EDEM3: variants seen among roughly 807,000 people sequenced by gnomAD.
EDEM3 encodes the protein ER degradation enhancing alpha-mannosidase like protein 3.
Under a neutral mutation model 110.2 loss-of-function variants are expected in EDEM3, and 60 were observed. That is an observed-to-expected ratio of 0.54 (90% CI 0.44 to 0.67). The LOEUF is 0.67. Ranked by LOEUF, EDEM3 falls within the 30% of genes least tolerant of loss-of-function variation. The probability of loss-of-function intolerance (pLI) is 0.00; values close to 1 mark genes in which losing one functional copy is unlikely to be tolerated. For synonymous variants in EDEM3, 352 were observed against 382.9 expected (o/e 0.92, Z 0.94); for missense variants, 996 against 1,121.0 (o/e 0.89, Z 1.59).
At chr1:184,736,797 C>G (rs1651849427) in intron 4 of EDEM3, among the ~76,000 whole-genome samples, 1 of 152,108 alleles carries the variant, frequency 6.6e-6, no homozygotes, top group Non-Finnish European at 1.5e-5. Context: ...ATTAAGGTGC[C>G]ATTACATAAG....
At chr1:184,734,032 A>G (rs947887523) in intron 5 of EDEM3, among the ~76,000 whole-genome samples, 4 of 152,232 alleles carry the variant, frequency 2.6e-5, no homozygotes, top group African/African-American at 9.6e-5. Context: ...CTTTCAGTCT[A>G]GAGACGTCTG....
rs1422316324 is a variant in EDEM3 at position 184,716,922 on chromosome 1, T to C, written c.1336A>G (p.Met446Val). ...YARVPCGFAA[M>V]KDVRTGSHED... ...TGACTTCCAGTACGAACATCCTTCATGGCAGCAAATCCGCAAGGCACTCTA... is the reference window on the plus strand; with the variant it reads ...TGACTTCCAGTACGAACATCCTTCACGGCAGCAAATCCGCAAGGCACTCTA... Residue 446 changes from methionine (M) to valine (V), a missense_variant, in exon 13 of 20, where the codon ATG becomes GTG. Transcript: ENST00000318130. 6 of 1,613,324 alleles carry C rather than the reference T, an allele frequency of 3.7e-6. No homozygotes were observed. The highest frequency in any genetic ancestry group is 5.1e-6 in the Non-Finnish European group (6 of 1,179,460).
chr1:184,741,410 A>G (rs111364635), intron 2 of EDEM3, among the ~76,000 whole-genome samples: 27 of 152,106 alleles, frequency 1.8e-4, no homozygotes, highest in African/African-American at 6.0e-4. Flanking sequence ...AAAAAAAAAT[A>G]AAAATAAAAA....
At chr1:184,715,675 G>T (rs1650507475) in intron 13 of EDEM3, among the ~76,000 whole-genome samples, 1 of 152,262 alleles carries the variant, frequency 6.6e-6, no homozygotes, top group Middle Eastern at 3.4e-3. Flanking sequence ...AATGAAGACT[G>T]TAATAGTACA....
rs1649013197 is a variant in EDEM3 at position 184,690,450 on chromosome 1, T to TA, written c.*3612dup. On this transcript the variant is annotated 3_prime_UTR_variant, in exon 20 of 20. Coordinates refer to ENST00000318130, the MANE Select transcript of EDEM3 (RefSeq NM_025191.4). ...AAACAGAGTGATAAACATCAAGACA[T>TA]AAAAGTATGAGGATATGCACAGTGA... 1 of 151,970 alleles carries TA rather than the reference T, an allele frequency of 6.6e-6. No individual in the cohort carries two copies. Among genetic ancestry groups the TA allele is most frequent in the African/African-American group, 2.4e-5 (1 of 41,246 alleles). The allele number at this position is 151,970 out of a possible 1,614,324, so 9.4% of individuals were successfully genotyped here.
rs1305362555 is a variant in EDEM3 at position 184,726,239 on chromosome 1, A to C, written c.747+16T>G. The C allele has an allele frequency of 6.2e-7, 1 of 1,612,032 alleles. No individual in the cohort carries two copies. The highest frequency in any genetic ancestry group is 8.5e-7 in the Non-Finnish European group (1 of 1,178,840). On this transcript the variant is annotated intron_variant, in intron 7 of 19. Coordinates refer to ENST00000318130, the MANE Select transcript of EDEM3 (RefSeq NM_025191.4). ...ATGCCCAATACCCAGGATATCAAAG[A>C]CCGTAAAAAGCAAACCTCAAATATT...
intron 8 of EDEM3, among the ~76,000 whole-genome samples, chr1:184,723,052 T>C (rs1258858086): frequency 6.6e-6 from 1 of 152,048 alleles, no homozygotes; most frequent in Non-Finnish European, 1.5e-5. Context: ...CTGCTATTTA[T>C]AAATAATTGC....
chr1:184,749,503 A>G (rs752289484), intron 2 of EDEM3, 44 bp downstream of exon 2: 5 of 1,386,712 alleles, frequency 3.6e-6, no homozygotes, highest in Non-Finnish European at 5.0e-6. Flanking sequence ...TCACATAATA[A>G]TCAACTCACA....
At chr1:184,721,467 TA>T in intron 8 of EDEM3, 81 bp from the exon 9 acceptor site, 1 of 963,148 alleles carries the variant, frequency 1.0e-6, no homozygotes, top group Non-Finnish European at 1.5e-6. Context: ...CTCCTTAGAT[TA>T]GCATTAAATT....
intron 18 of EDEM3, 36 bp from the exon 19 acceptor site, chr1:184,703,032 T>A: frequency 2.7e-6 from 4 of 1,503,948 alleles, no homozygotes; most frequent in Non-Finnish European, 3.6e-6. Context: ...CATCAAAATA[T>A]CCAGCCATTA....
chr1:184,714,027 T>C (rs1044412391), intron 13 of EDEM3, among the ~76,000 whole-genome samples: 4 of 152,222 alleles, frequency 2.6e-5, no homozygotes, highest in Non-Finnish European at 5.9e-5. Flanking sequence ...TTAGACAATA[T>C]AAAAACACTT....
At chr1:184,740,766 T>C (rs1392193773) in intron 2 of EDEM3, among the ~76,000 whole-genome samples, 1 of 152,220 alleles carries the variant, frequency 6.6e-6, no homozygotes, top group Non-Finnish European at 1.5e-5. Flanking sequence ...ATGTCGACAC[T>C]TTCTCCATTC....
chr1:184,706,564 A>G, intron 18 of EDEM3, 79 bp downstream of exon 18: 1 of 1,355,472 alleles, frequency 7.4e-7, no homozygotes, highest in South Asian at 1.9e-5. Flanking sequence ...TCTTTGATAA[A>G]ATTTTAGAAA....
chr1:184,693,739 TC>T lies in EDEM3; in HGVS notation c.*323del, dbSNP rs1649179695. 4.8e-6 allele frequency: 1 copy of T among 208,006 alleles called. No individual in the cohort carries two copies. The highest frequency in any genetic ancestry group is 2.3e-5 in the African/African-American group (1 of 43,682). 12.9% of individuals were successfully genotyped at this position (208,006 alleles called of 1,614,324 possible). On this transcript the variant is annotated 3_prime_UTR_variant, in exon 20 of 20. Transcript: ENST00000318130. The stretch of plus-strand genomic sequence containing the variant: ...ACTCCACTACTAAATGAATTTTGTT[TC>T]TTGTCTATCCAGAGACAACAGAAAT...
chr1:184,691,159 T>C lies in EDEM3; in HGVS notation c.*2904A>G, dbSNP rs1020235588. 4 of 152,648 alleles carry C rather than the reference T, an allele frequency of 2.6e-5. No individual in the cohort carries two copies. The highest frequency in any genetic ancestry group is 2.1e-4 in the South Asian group (1 of 4,828). 9.5% of individuals were successfully genotyped at this position (152,648 alleles called of 1,614,324 possible). A position where few individuals can be genotyped will look rare whatever the true frequency, so the allele number is the denominator to read the frequency against. ...CAATTATACTCTTTTTGGAAGCCTATTGCAATTTAAGAAGAAAAAAGAAAA... is the reference window on the plus strand; with the variant it reads ...CAATTATACTCTTTTTGGAAGCCTACTGCAATTTAAGAAGAAAAAAGAAAA... On this transcript the variant is annotated 3_prime_UTR_variant, in exon 20 of 20. Coordinates refer to ENST00000318130, the MANE Select transcript of EDEM3 (RefSeq NM_025191.4).
At chr1:184,696,371 T>TGG (rs1649327879) in intron 19 of EDEM3, among the ~76,000 whole-genome samples, 1 of 151,994 alleles carries the variant, frequency 6.6e-6, no homozygotes, top group Non-Finnish European at 1.5e-5. Context: ...ATATTTTGTA[T>TGG]GGCTCCTGTG....
intron 15 of EDEM3, among the ~76,000 whole-genome samples, chr1:184,711,411 G>A (rs1015713799): frequency 6.6e-5 from 10 of 151,928 alleles, no homozygotes; most frequent in African/African-American, 1.7e-4. Context: ...GAAAATATTC[G>A]ATGAAACTAT....
intron 8 of EDEM3, 146 bp from the exon 9 acceptor site, chr1:184,721,532 A>G: frequency 4.2e-6 from 2 of 479,380 alleles, no homozygotes; most frequent in Non-Finnish European, 7.3e-6. Flanking sequence ...GGAACAGATA[A>G]TTATATTTAA....
chr1:184,706,768 C>T lies in EDEM3; in HGVS notation c.2078G>A (p.Cys693Tyr), dbSNP rs1299754034. ...TGCCTCTGGGTTAGTAAGCTCTGAA[C>T]AACCATTGGATGGTTTACTGCTTGC... ...FVASSKPSNG[C>Y]SELTNPEAVM... Residue 693 changes from cysteine (C) to tyrosine (Y), a missense_variant, in exon 18 of 20, where the codon TGT becomes TAT. By Grantham distance (194) the Cys-to-Tyr change is radical. Transcript: ENST00000318130. 6.2e-7 allele frequency: 1 copy of T among 1,613,906 alleles called. No homozygotes were observed. The highest frequency in any genetic ancestry group is 2.2e-5 in the East Asian group (1 of 44,864).
Sources: allele counts gnomAD v4.1 joint callset (sites outside exome capture counted in the v4.1 genomes callset), GRCh38; gene constraint gnomAD v4.1.1; transcripts MANE v1.5; gene names NCBI Gene and HGNC (gene_info 2026-07-23, HGNC 2026-07-21).